The following NCOA3 variants were observed in gnomAD, a reference collection of about 807,000 sequenced individuals.
The protein encoded by NCOA3 is CBP-interacting protein.
A neutral mutation model predicts 158.8 loss-of-function variants in NCOA3; 51 were observed. That is an observed-to-expected ratio of 0.32 (90% CI 0.26 to 0.41). The LOEUF (loss-of-function observed/expected upper bound fraction) is 0.41. NCOA3 is among the 10% of genes least tolerant of loss of function. The pLI, the probability that NCOA3 is intolerant of heterozygous loss-of-function variation, is 1.00. For missense variants in NCOA3, 1,510 were observed against 1,746.6 expected, an observed-to-expected ratio of 0.86 and a Z score of 2.41; for synonymous variants, 537 against 592.4, an observed-to-expected ratio of 0.91 and a Z score of 1.36.
At chr20:47,569,883 G>A (rs1030044156) in intron 1 of NCOA3, among the ~76,000 whole-genome samples, 3 of 151,534 alleles carry the variant, frequency 2.0e-5, no homozygotes, top group Middle Eastern at 3.2e-3. Context: ...GGCGGCGGGT[G>A]CCTGTAGTCC....
chr20:47,581,887 A>G (rs971202711), intron 1 of NCOA3, among the ~76,000 whole-genome samples: 1 of 152,190 alleles, frequency 6.6e-6, no homozygotes, highest in African/African-American at 2.4e-5. Context: ...GCATCCTTTT[A>G]TAGAAGGCAA....
intron 1 of NCOA3, among the ~76,000 whole-genome samples, chr20:47,508,200 A>G (rs1354274328): frequency 6.6e-6 from 1 of 152,186 alleles, no homozygotes; most frequent in African/African-American, 2.4e-5. Context: ...TCTGTCCTGT[A>G]CTTTTATTAG....
intron 1 of NCOA3, among the ~76,000 whole-genome samples, chr20:47,505,041 C>A (rs371181538): frequency 1.7e-4 from 1 of 5,780 alleles, no homozygotes; most frequent in African/African-American, 7.2e-4. Context: ...CGGGCAGGGG[C>A]GTTTTTTTTT....
At chr20:47,528,231 A>G (rs1193527452) in intron 1 of NCOA3, among the ~76,000 whole-genome samples, 1 of 152,228 alleles carries the variant, frequency 6.6e-6, no homozygotes, top group Non-Finnish European at 1.5e-5. Context: ...ATATAGGGAA[A>G]GAAAAACCTA....
At chr20:47,652,815 T>C (rs1363696206) in intron 21 of NCOA3, 116 bp from the exon 22 acceptor site, 10 of 1,270,278 alleles carry the variant, frequency 7.9e-6, no homozygotes, top group Non-Finnish European at 1.1e-5. Context: ...GAGTTTTCTC[T>C]AACATTCCCA....
At chr20:47,652,254 G>C in intron 20 of NCOA3, 152 bp from the exon 21 acceptor site, 1 of 532,624 alleles carries the variant, frequency 1.9e-6, no homozygotes, top group Admixed American at 3.1e-5. Context: ...AATACCTGGG[G>C]GGGCAGCATC....
At chr20:47,644,082 T>C (rs569550410) in intron 17 of NCOA3, among the ~76,000 whole-genome samples, 98 of 148,860 alleles carry the variant, frequency 6.6e-4, no homozygotes, top group African/African-American at 2.5e-3. Flanking sequence ...CTCTCCTGTG[T>C]TTTTTTTTCT....
At chr20:47,588,499 A>C (rs773393507) in intron 2 of NCOA3, among the ~76,000 whole-genome samples, 7 of 152,134 alleles carry the variant, frequency 4.6e-5, no homozygotes, top group Non-Finnish European at 1.0e-4. Flanking sequence ...CATTTGAAAC[A>C]AAATTAAGTT....
At chr20:47,508,037 A>C (rs1172347813) in intron 1 of NCOA3, among the ~76,000 whole-genome samples, 1 of 152,110 alleles carries the variant, frequency 6.6e-6, no homozygotes, top group Non-Finnish European at 1.5e-5. Flanking sequence ...TTAGGTCTAT[A>C]AATTGTATTG....
At chr20:47,518,436 T>TTTA (rs2084270616) in intron 1 of NCOA3, among the ~76,000 whole-genome samples, 1 of 150,498 alleles carries the variant, frequency 6.6e-6, no homozygotes, top group African/African-American at 2.4e-5. Context: ...TTTTTTTTTT[T>TTTA]GAGACAGAGT....
Position 47,627,630 on chromosome 20 carries a change from T to G in NCOA3, c.602T>G (p.Met201Arg). 2 of 1,614,152 alleles carry G rather than the reference T, an allele frequency of 1.2e-6. No homozygotes were observed. Among genetic ancestry groups the G allele is most frequent in the Non-Finnish European group, 1.7e-6 (2 of 1,180,002 alleles). Residue 201 changes from methionine to arginine, a missense_variant, in exon 7 of 23, where the codon ATG becomes AGG. Met to Arg is a moderately conservative substitution (Grantham distance 91, BLOSUM62 -1). Around this residue, in one of 4 missense-constraint regions of NCOA3, gnomAD observed 309 missense variants for 427.1 expected, o/e 0.72. Transcript: ENST00000371998. ...KSHTFNCRML[M>R]KTPHDILEDI... ...CATACATTTAATTGCCGTATGTTGA[T>G]GAAAACACCACATGATATTCTGGAA...
At chr20:47,545,378 T>C (rs1352830386) in intron 1 of NCOA3, among the ~76,000 whole-genome samples, 1 of 152,004 alleles carries the variant, frequency 6.6e-6, no homozygotes, top group African/African-American at 2.4e-5. Context: ...GGTTTTGCCA[T>C]GTTGTCTAGG....
chr20:47,516,938 A>T (rs1004947830), intron 1 of NCOA3, among the ~76,000 whole-genome samples: 1 of 137,960 alleles, frequency 7.2e-6, no homozygotes, highest in Non-Finnish European at 1.6e-5. Context: ...AAAAAAAAAA[A>T]TTTGCTGGGT....
chr20:47,635,067 T>C (rs2086488759), intron 10 of NCOA3, among the ~76,000 whole-genome samples: 1 of 151,874 alleles, frequency 6.6e-6, no homozygotes. Context: ...TAGCTAGGAC[T>C]AGAGATGTGT....
At chr20:47,619,421 G>A (rs1320164987) in intron 2 of NCOA3, among the ~76,000 whole-genome samples, 1 of 152,076 alleles carries the variant, frequency 6.6e-6, no homozygotes, top group Non-Finnish European at 1.5e-5. Flanking sequence ...GAGGCAGGCG[G>A]ATAACTTGAA....
chr20:47,563,693 C>T (rs2085143434), intron 1 of NCOA3, among the ~76,000 whole-genome samples: 1 of 151,780 alleles, frequency 6.6e-6, no homozygotes, highest in Non-Finnish European at 1.5e-5. Flanking sequence ...TCGAGACCAG[C>T]CTGACCAACG....
At chr20:47,650,899 T>C (rs1310677084) in intron 19 of NCOA3, 83 bp from the exon 20 acceptor site, 2 of 1,289,528 alleles carry the variant, frequency 1.6e-6, no homozygotes, top group Non-Finnish European at 2.2e-6. Context: ...GTCTTATACC[T>C]GGTGTATTGT....
chr20:47,651,025 A>G lies in NCOA3; in HGVS notation c.3695A>G (p.Glu1232Gly). ...NAQMVAQRSR[E>G]LLSHHFRQQR... ...CAAATGGTCGCCCAACGCAGCAGAGAGCTGCTAAGTCATCACTTCCGACAA... is the reference window on the plus strand; with the variant it reads ...CAAATGGTCGCCCAACGCAGCAGAGGGCTGCTAAGTCATCACTTCCGACAA... Residue 1232 changes from glutamate to glycine, a missense_variant, in exon 20 of 23, where the codon GAG becomes GGG. Around this residue, in one of 4 missense-constraint regions of NCOA3, gnomAD observed 1,017 missense variants for 1,098.3 expected, o/e 0.93. Coordinates refer to ENST00000371998, the MANE Select transcript of NCOA3 (RefSeq NM_181659.3). The G allele has an allele frequency of 6.2e-7, 1 of 1,614,120 alleles. No homozygotes were observed. The highest frequency in any genetic ancestry group is 8.5e-7 in the Non-Finnish European group (1 of 1,180,026).
intron 1 of NCOA3, among the ~76,000 whole-genome samples, chr20:47,574,879 T>C (rs921304817): frequency 8.5e-5 from 13 of 152,244 alleles, no homozygotes; most frequent in Admixed American, 2.0e-4. Context: ...AAAATGTTCT[T>C]GTACATTGTA....
Sources: gnomAD v4.1 joint callset for allele counts (sites outside exome capture counted in the v4.1 genomes callset) on GRCh38, gnomAD v4.1.1 for gene constraint, gnomAD v4.1.1 regional missense constraint, MANE v1.5 for transcripts, NCBI Gene and HGNC (gene_info 2026-07-23, HGNC 2026-07-21) for gene names.